Variants in PHF2 observed in about 807,000 individuals in gnomAD.
The protein encoded by PHF2 is PHD finger protein 2.
A neutral mutation model predicts 120.5 loss-of-function variants in PHF2; 27 were observed. That is an observed-to-expected ratio of 0.22 (90% confidence interval 0.17 to 0.31). The LOEUF (loss-of-function observed/expected upper bound fraction) is 0.31. Ranked by LOEUF, PHF2 falls within the 10% of genes least tolerant of loss-of-function variation. PHF2 has a pLI of 1.00. For missense variants in PHF2, 1,024 were observed against 1,434.8 expected (o/e 0.71, Z 4.63); for synonymous variants, 568 against 592.5 (o/e 0.96, Z 0.60).
intron 1 of PHF2, among the ~76,000 whole-genome samples, chr9:93,580,270 A>G (rs745782948): frequency 1.3e-5 from 2 of 152,090 alleles, no homozygotes; most frequent in South Asian, 2.1e-4. Context: ...GGAGGGATGG[A>G]TTTTTGTGGC....
chr9:93,635,651 A>T (rs1826077694), intron 2 of PHF2, among the ~76,000 whole-genome samples: 2 of 152,138 alleles, frequency 1.3e-5, no homozygotes, highest in African/African-American at 2.4e-5. Context: ...GTGTGCGCAT[A>T]GGGCTTGTGG....
chr9:93,602,657 G>T (rs904974131), intron 1 of PHF2, among the ~76,000 whole-genome samples: 1 of 152,010 alleles, frequency 6.6e-6, no homozygotes, highest in African/African-American at 2.4e-5. Context: ...TCATGGTTAT[G>T]CCTGGGTCCT....
chr9:93,656,028 C>A lies in PHF2; in HGVS notation c.1040+7C>A. On this transcript the variant is annotated splice_region_variant and intron_variant, in intron 8 of 21. Coordinates refer to ENST00000359246, the MANE Select transcript of PHF2 (RefSeq NM_005392.4). The surrounding 1 kb of genome is among the most constrained non-coding windows in gnomAD (Gnocchi z 4.1). Reference sequence around the variant, plus strand: ...GTGTGGAGATGCAGATGAGGTAGTGCCTGCCGCGCTGTCTGCCCTCGGGCT... The same window carrying A: ...GTGTGGAGATGCAGATGAGGTAGTGACTGCCGCGCTGTCTGCCCTCGGGCT... The A allele has an allele frequency of 6.2e-7, 1 of 1,609,242 alleles. No homozygotes were observed. The highest frequency in any genetic ancestry group is 8.5e-7 in the Non-Finnish European group (1 of 1,177,628).
At chr9:93,617,506 C>T (rs1339247512) in intron 1 of PHF2, among the ~76,000 whole-genome samples, 1 of 152,144 alleles carries the variant, frequency 6.6e-6, no homozygotes, top group East Asian at 1.9e-4. Flanking sequence ...CTTTAGAGAT[C>T]CCAAGAGGCA....
At chr9:93,587,430 A>T (rs562056020) in intron 1 of PHF2, among the ~76,000 whole-genome samples, 1 of 79,560 alleles carries the variant, frequency 1.3e-5, no homozygotes, top group Non-Finnish European at 2.6e-5. Flanking sequence ...GAGAAATCCC[A>T]GGAGAGGGAT....
Position 93,673,835 on chromosome 9 carries a change from G to T in PHF2, c.2599G>T (p.Asp867Tyr). Reference protein sequence around the residue: ...DDYEEEQDHLDACFKDSDYVY... With the variant: ...DDYEEEQDHLYACFKDSDYVY... Reference sequence around the variant, plus strand: ...CTACGAGGAAGAGCAGGACCACCTGGATGCCTGCTTCAAGGACTCAGACTA... The same window carrying T: ...CTACGAGGAAGAGCAGGACCACCTGTATGCCTGCTTCAAGGACTCAGACTA... Residue 867 changes from aspartate (D) to tyrosine (Y), a missense_variant, in exon 18 of 22, where the codon GAT becomes TAT. Asp to Tyr is a radical substitution (Grantham distance 160, BLOSUM62 -3). Transcript: ENST00000359246. 1 of 1,602,292 alleles carries T rather than the reference G, an allele frequency of 6.2e-7. No individual in the cohort carries two copies. The highest frequency in any genetic ancestry group is 8.5e-7 in the Non-Finnish European group (1 of 1,171,254).
chr9:93,659,730 C>T, intron 11 of PHF2, 130 bp downstream of exon 11: 1 of 776,590 alleles, frequency 1.3e-6, no homozygotes, highest in South Asian at 1.7e-5. Flanking sequence ...CCAGATGGTC[C>T]TCCTTGCACT....
intron 4 of PHF2, among the ~76,000 whole-genome samples, chr9:93,647,763 C>T (rs573139623): frequency 2.0e-5 from 3 of 152,136 alleles, no homozygotes; most frequent in Admixed American, 6.6e-5. Flanking sequence ...GGTGGTGGCA[C>T]CTGTAGTCCC....
At chr9:93,662,287 A>G (rs950941923) in intron 12 of PHF2, among the ~76,000 whole-genome samples, 2 of 151,764 alleles carry the variant, frequency 1.3e-5, no homozygotes, top group African/African-American at 4.8e-5. Context: ...GGGTAGATGG[A>G]TGAATGGGTG....
chr9:93,582,150 G>T (rs1199149489), intron 1 of PHF2, among the ~76,000 whole-genome samples: 1 of 152,152 alleles, frequency 6.6e-6, no homozygotes, highest in African/African-American at 2.4e-5. Context: ...AAGCAGCTAG[G>T]GCCTCTGTCA....
chr9:93,604,184 C>T (rs1825495370), intron 1 of PHF2, among the ~76,000 whole-genome samples: 1 of 152,104 alleles, frequency 6.6e-6, no homozygotes, highest in African/African-American at 2.4e-5. Flanking sequence ...AAGAGGCCTG[C>T]AGGGCTGAGG....
chr9:93,615,532 A>G (rs1259346288), intron 1 of PHF2, among the ~76,000 whole-genome samples: 1 of 152,188 alleles, frequency 6.6e-6, no homozygotes. Context: ...TCTACTAGAT[A>G]TGATGATCCA....
Position 93,582,237 on chromosome 9 carries a change from TGAG to T in PHF2, c.98+5371_98+5373del, listed in dbSNP as rs1176739281. On this transcript the variant is annotated intron_variant, in intron 1 of 21. Transcript: ENST00000359246. ...ACACTCACCTCCCAGAGGGTGCAGG[TGAG>T]GAGGTGGCACCTGGCTTAGGTTATT... is the stretch of plus-strand genomic sequence containing the variant. Among the ~76,000 whole-genome samples, 3 of 152,232 alleles carry T rather than the reference TGAG, an allele frequency of 2.0e-5. No individual in the cohort carries two copies. The South Asian group carries it at 6.2e-4, about 32-fold the overall frequency.
rs1313491211 is a variant in PHF2, at chr9:93,667,224, G to C, written c.2332G>C (p.Glu778Gln). The C allele has an allele frequency of 6.2e-7, 1 of 1,610,872 alleles. No individual in the cohort carries two copies. Among genetic ancestry groups the C allele is most frequent in the Non-Finnish European group, 8.5e-7 (1 of 1,179,182 alleles). ...LQASEEVGAL[E>Q]YNPSSQPPAS... ...GGCCAGTGAGGAGGTTGGCGCGCTG[G>C]AGTACAACCCCAGCAGGTGGGCCCC... The change falls in exon 17 of 22, where the codon GAG (glutamate) becomes CAG (glutamine). Residue 778 changes from glutamate (E) to glutamine (Q), a missense_variant. Glu to Gln is a conservative substitution (Grantham distance 29). Transcript: ENST00000359246.
rs531974293 is a variant in PHF2, at chr9:93,648,276, C to T, written c.461-795C>T. Among the ~76,000 whole-genome samples, 7 of 152,332 alleles carry T rather than the reference C, an allele frequency of 4.6e-5. No individual in the cohort carries two copies. In the South Asian group the frequency reaches 8.3e-4, roughly 18 times the overall value. On this transcript the variant is annotated intron_variant, in intron 4 of 21. Coordinates refer to ENST00000359246, the MANE Select transcript of PHF2 (RefSeq NM_005392.4). ...TGTTGCTGAGCAGGTCTCTCTGTCC[C>T]GGGTGTTTCCTATAAACTCGTGGTT...
At chr9:93,591,361 G>A (rs898934915) in intron 1 of PHF2, among the ~76,000 whole-genome samples, 3 of 152,230 alleles carry the variant, frequency 2.0e-5, no homozygotes, top group Non-Finnish European at 2.9e-5. Flanking sequence ...TAAAAGCCAA[G>A]TCTAGTAGAA....
intron 5 of PHF2, among the ~76,000 whole-genome samples, chr9:93,649,972 C>G (rs752973584): frequency 6.6e-6 from 1 of 151,808 alleles, no homozygotes; most frequent in Admixed American, 6.6e-5. Flanking sequence ...ACACACATGA[C>G]ACACACTCAG....
At position 93,653,271 on chromosome 9, in the gene PHF2, A is replaced by G; in HGVS notation, c.695A>G (p.Lys232Arg). 1.2e-6 allele frequency: 2 copies of G among 1,614,188 alleles called. No homozygotes were observed. Among genetic ancestry groups the G allele is most frequent in the African/African-American group, 1.3e-5 (1 of 75,068 alleles). ...GATGATGCATTGCTGGCCAAGCCCA[A>G]AGTGACCAAGTACTGCCTAATCTGC... ...WPDDALLAKP[K>R]VTKYCLICVK... The change falls in exon 6 of 22, where the codon AAA (lysine) becomes AGA (arginine). Residue 232 changes from lysine to arginine, a missense_variant. Lys to Arg is a conservative substitution (Grantham distance 26). Coordinates refer to ENST00000359246, the MANE Select transcript of PHF2 (RefSeq NM_005392.4).
chr9:93,582,677 A>G (rs903580240), intron 1 of PHF2, among the ~76,000 whole-genome samples: 3 of 152,230 alleles, frequency 2.0e-5, no homozygotes, highest in African/African-American at 7.2e-5. Flanking sequence ...ACAGAAGAAC[A>G]TATGAACATA....
Sources: allele counts gnomAD v4.1 joint callset (sites outside exome capture counted in the v4.1 genomes callset), GRCh38; gene constraint gnomAD v4.1.1; non-coding constraint Gnocchi (gnomAD v3.1); transcripts MANE v1.5; gene names NCBI Gene and HGNC (gene_info 2026-07-23, HGNC 2026-07-21).